MAP2K4: variants seen among roughly 807,000 people sequenced by gnomAD.
MAP2K4 encodes mitogen-activated protein kinase kinase 4, also known as dual specificity mitogen-activated protein kinase kinase 4.
In MAP2K4, 4 loss-of-function variants were observed where a neutral mutation model predicts 48.5. That is an observed-to-expected ratio of 0.08 (90% confidence interval 0.04 to 0.19). MAP2K4 has a LOEUF of 0.19. Among genes scored for constraint, MAP2K4 ranks in the 10% least tolerant of loss-of-function variants. The probability of loss-of-function intolerance (pLI) is 1.00; values close to 1 mark genes in which losing one functional copy is unlikely to be tolerated. For synonymous variants in MAP2K4, 166 were observed against 173.1 expected (o/e 0.96, Z 0.32); for missense variants, 258 against 493.3 (o/e 0.52, Z 4.52).
At chr17:12,138,347 A>G (rs1973270682) in intron 9 of MAP2K4, among the ~76,000 whole-genome samples, 1 of 152,192 alleles carries the variant, frequency 6.6e-6, no homozygotes, top group South Asian at 2.1e-4. Flanking sequence ...CTGATAACAT[A>G]GTTAACATAT....
rs184341964 is a variant in MAP2K4, at chr17:12,079,093, A to G, written c.219-2263A>G. Among the ~76,000 whole-genome samples the G allele has an allele frequency of 5.9e-5, 9 of 152,304 alleles. No individual in the cohort carries two copies. In the East Asian group the frequency reaches 1.7e-3, roughly 29 times the overall value. On this transcript the variant is annotated intron_variant, in intron 2 of 10. Coordinates refer to ENST00000353533, the MANE Select transcript of MAP2K4 (RefSeq NM_003010.4). ...GCAGCTTTGCTGAGATGTAATTCAC[A>G]TATTCTGCAGTTACACATTTAAAGT...
chr17:12,088,568 A>AAT (rs370589423), intron 3 of MAP2K4, among the ~76,000 whole-genome samples: 96,557 of 132,728 alleles, frequency 0.73, 36,237 homozygotes, highest in East Asian at 0.84. Flanking sequence ...ATATATATTA[A>AAT]ATATATAATA....
At chr17:12,083,044 A>G (rs1408293330) in intron 3 of MAP2K4, among the ~76,000 whole-genome samples, 1 of 152,226 alleles carries the variant, frequency 6.6e-6, no homozygotes, top group East Asian at 1.9e-4. Context: ...TTTCCTATAT[A>G]GTTAAAGTTG....
chr17:12,056,435 G>A (rs1182350887), intron 2 of MAP2K4, among the ~76,000 whole-genome samples: 1 of 151,918 alleles, frequency 6.6e-6, no homozygotes, highest in Admixed American at 6.6e-5. Context: ...TTGAGTTCAG[G>A]TTTTATTTTT....
intron 8 of MAP2K4, 141 bp downstream of exon 8, chr17:12,125,512 AG>A: frequency 1.5e-6 from 1 of 663,254 alleles, no homozygotes; most frequent in Non-Finnish European, 2.7e-6. Flanking sequence ...AAAAAAAAAA[AG>A]TATGTATTTA....
At chr17:12,111,505 T>G (rs1972303886) in intron 6 of MAP2K4, among the ~76,000 whole-genome samples, 1 of 151,950 alleles carries the variant, frequency 6.6e-6, no homozygotes, top group African/African-American at 2.4e-5. Context: ...CCTTCTTTGT[T>G]AGCTGTGTTC....
At chr17:12,125,435 A>G in intron 8 of MAP2K4, 64 bp downstream of exon 8, 1 of 1,355,524 alleles carries the variant, frequency 7.4e-7, no homozygotes, top group Non-Finnish European at 1.1e-6. Context: ...GAAGTGAAAG[A>G]AAACTTAATC....
At chr17:12,043,574 C>T (rs555395225) in intron 1 of MAP2K4, among the ~76,000 whole-genome samples, 1 of 152,154 alleles carries the variant, frequency 6.6e-6, no homozygotes, top group South Asian at 2.1e-4. Flanking sequence ...ACCACAACCC[C>T]CATCAAGTTT....
chr17:12,091,147 T>G (rs367710296), intron 3 of MAP2K4, among the ~76,000 whole-genome samples: 1 of 152,196 alleles, frequency 6.6e-6, no homozygotes, highest in African/African-American at 2.4e-5. Context: ...AAAAGAGTTA[T>G]TTATACTTTA....
At chr17:12,026,510 T>C (rs987769553) in intron 1 of MAP2K4, among the ~76,000 whole-genome samples, 4 of 152,226 alleles carry the variant, frequency 2.6e-5, no homozygotes, top group Non-Finnish European at 5.9e-5. Context: ...CCTACCTAAT[T>C]TGATGCTCAC....
intron 3 of MAP2K4, among the ~76,000 whole-genome samples, chr17:12,088,463 C>T (rs373330469): frequency 9.9e-5 from 1 of 10,128 alleles, no homozygotes; most frequent in Admixed American, 1.7e-3. Flanking sequence ...AAATATTATA[C>T]AATATTAAAT....
At chr17:12,032,716 A>AT (rs1046484576) in intron 1 of MAP2K4, among the ~76,000 whole-genome samples, 56 of 152,170 alleles carry the variant, frequency 3.7e-4, no homozygotes, top group African/African-American at 1.3e-3. Flanking sequence ...TATATTTTTA[A>AT]TTTTTTTCTT....
At chr17:12,130,717 C>T (rs929153990) in intron 9 of MAP2K4, among the ~76,000 whole-genome samples, 1 of 152,164 alleles carries the variant, frequency 6.6e-6, no homozygotes, top group African/African-American at 2.4e-5. Context: ...TTGAAGTGTA[C>T]TTATGTTCAT....
intron 2 of MAP2K4, among the ~76,000 whole-genome samples, chr17:12,059,471 C>G (rs181227594): frequency 6.6e-6 from 1 of 151,912 alleles, no homozygotes. Context: ...ATATTCAGTA[C>G]AATTGTTATT....
At chr17:12,057,641 C>T (rs768707272) in intron 2 of MAP2K4, among the ~76,000 whole-genome samples, 2 of 151,942 alleles carry the variant, frequency 1.3e-5, no homozygotes, top group Non-Finnish European at 2.9e-5. Context: ...CTATCATCTT[C>T]TCCTGAAACT....
chr17:12,021,327 C>A, intron 1 of MAP2K4: 1 of 171,626 alleles, frequency 5.8e-6, no homozygotes, highest in Non-Finnish European at 1.2e-5. Context: ...GCTTACCTGG[C>A]GCCCGCCCGG....
At chr17:12,107,338 G>A (rs1041376261) in intron 4 of MAP2K4, among the ~76,000 whole-genome samples, 1 of 151,438 alleles carries the variant, frequency 6.6e-6, no homozygotes, top group African/African-American at 2.4e-5. Context: ...ATTTGTACGG[G>A]GTCTTGAGGC....
chr17:12,022,517 G>T (rs985316886), intron 1 of MAP2K4, among the ~76,000 whole-genome samples: 2 of 152,210 alleles, frequency 1.3e-5, no homozygotes, highest in African/African-American at 2.4e-5. Flanking sequence ...TCTTGTTCCA[G>T]ATGGGTGACT....
intron 2 of MAP2K4, among the ~76,000 whole-genome samples, chr17:12,072,256 C>T (rs974509667): frequency 1.3e-5 from 2 of 152,126 alleles, no homozygotes; most frequent in Non-Finnish European, 2.9e-5. Context: ...GACTGTAGAT[C>T]AGGAGTTTGG....
Sources: gnomAD v4.1 joint callset for allele counts (sites outside exome capture counted in the v4.1 genomes callset) on GRCh38, gnomAD v4.1.1 for gene constraint, MANE v1.5 for transcripts, NCBI Gene and HGNC (gene_info 2026-07-23, HGNC 2026-07-21) for gene names.